Variants in LHX2 observed in about 807,000 individuals in gnomAD.
LHX2 encodes LIM/homeobox protein Lhx2.
Under a neutral mutation model 33.0 loss-of-function variants are expected in LHX2, and 6 were observed. The ratio of observed to expected loss-of-function variants is 0.18; its 90% confidence interval spans 0.10 to 0.36. LHX2 has a LOEUF of 0.36. LHX2 is among the 10% of genes least tolerant of loss of function. The probability of loss-of-function intolerance (pLI) is 1.00; values close to 1 mark genes in which losing one functional copy is unlikely to be tolerated. For missense variants in LHX2, 442 were observed against 586.2 expected (o/e 0.75, Z 2.54); for synonymous variants, 292 against 253.1 (o/e 1.15, Z -1.46).
Position 124,015,605 on chromosome 9 carries a change from C to G in LHX2, c.727+80C>G, listed in dbSNP as rs1476019061. 2 of 1,388,352 alleles carry G rather than the reference C, an allele frequency of 1.4e-6. No homozygotes were observed. The highest frequency in any genetic ancestry group is 1.9e-6 in the Non-Finnish European group (2 of 1,048,886). The allele number at this position is 1,388,352 out of a possible 1,614,324, so 86.0% of individuals were successfully genotyped here. Reference sequence around the variant, plus strand: ...TCGACGGCCGGGAGCTGGATTGAATCTCTGTGTGCTGGGCAAATAGCGAGC... The same window carrying G: ...TCGACGGCCGGGAGCTGGATTGAATGTCTGTGTGCTGGGCAAATAGCGAGC... On this transcript the variant is annotated intron_variant, in intron 3 of 4. Transcript: ENST00000373615. This position sits in a 1 kb window ranked among gnomAD's most constrained non-coding sequence, Gnocchi z 7.9.
At position 124,032,634 on chromosome 9, in the gene LHX2, C is replaced by G. The variant is rs1169421382; in HGVS notation, c.1148C>G (p.Thr383Ser). The change falls in exon 5 of 5, where the codon ACT becomes AGT. Residue 383 changes from threonine (T) to serine (S), a missense_variant. Around this residue, in one of 5 missense-constraint regions of LHX2, gnomAD observed 109 missense variants for 98.7 expected, o/e 1.10. Coordinates refer to ENST00000373615, the MANE Select transcript of LHX2 (RefSeq NM_004789.4). The surrounding 1 kb of genome is among the most constrained non-coding windows in gnomAD (Gnocchi z 4.1). ...PTLPTVTSVL[T>S]SVPGNLEGHE... is the part of the protein sequence containing the mutation. ...CTGCCAACTGTGACGTCCGTCTTAA[C>G]TTCTGTGCCTGGCAACCTGGAGGGC... The G allele has an allele frequency of 6.2e-7, 1 of 1,613,992 alleles. No homozygotes were observed. Among genetic ancestry groups the G allele is most frequent in the Non-Finnish European group, 8.5e-7 (1 of 1,179,894 alleles).
At chr9:124,025,337 A>T (rs1425730409) in intron 4 of LHX2, among the ~76,000 whole-genome samples, 1 of 149,526 alleles carries the variant, frequency 6.7e-6, no homozygotes, top group Non-Finnish European at 1.5e-5. Context: ...GCTGCTGGGG[A>T]GGCTGAGGCA....
intron 4 of LHX2, among the ~76,000 whole-genome samples, chr9:124,026,929 C>T (rs3780683): frequency 0.38 from 57,581 of 152,008 alleles, 11,723 homozygotes; most frequent in Admixed American, 0.48. Flanking sequence ...CATTTCCCTA[C>T]CTGTAAAGTG....
chr9:124,032,644 T>G lies in LHX2; in HGVS notation c.1158T>G (p.Pro386=). Residue 386 remains proline, a synonymous_variant, in exon 5 of 5, where the codon CCT becomes CCG. Coordinates refer to ENST00000373615, the MANE Select transcript of LHX2 (RefSeq NM_004789.4). This position sits in a 1 kb window ranked among gnomAD's most constrained non-coding sequence, Gnocchi z 4.1. ...TGACGTCCGTCTTAACTTCTGTGCC[T>G]GGCAACCTGGAGGGCCATGAGCCTC... The part of the protein sequence containing the change: ...PTVTSVLTSV[P]GNLEGHEPHS... 6.2e-7 allele frequency: 1 copy of G among 1,613,888 alleles called. No individual in the cohort carries two copies. The highest frequency in any genetic ancestry group is 8.5e-7 in the Non-Finnish European group (1 of 1,179,838).
At chr9:124,029,957 G>A (rs1047957541) in intron 4 of LHX2, among the ~76,000 whole-genome samples, 5 of 152,254 alleles carry the variant, frequency 3.3e-5, no homozygotes, top group African/African-American at 1.2e-4. Context: ...TGCTGGCCGG[G>A]AAAGGGAAGG....
Position 124,014,280 on chromosome 9 carries a change from C to T in LHX2, c.323+117C>T. ...AGGAGAGGGTTCACTACTCAGGACT[C>T]CCCCGCTCCCCCCCCAAGTTCTCCA... On this transcript the variant is annotated intron_variant, in intron 2 of 4. Coordinates refer to ENST00000373615, the MANE Select transcript of LHX2 (RefSeq NM_004789.4). This position sits in a 1 kb window ranked among gnomAD's most constrained non-coding sequence, Gnocchi z 4.8. The T allele has an allele frequency of 1.6e-6, 1 of 636,794 alleles. No homozygotes were observed. The highest frequency in any genetic ancestry group is 2.9e-6 in the Non-Finnish European group (1 of 342,204). 39.4% of individuals were successfully genotyped at this position (636,794 alleles called of 1,614,324 possible). A position where few individuals can be genotyped will look rare whatever the true frequency, so the allele number is the denominator to read the frequency against.
At chr9:124,029,859 A>G (rs1004477393) in intron 4 of LHX2, among the ~76,000 whole-genome samples, 9 of 152,200 alleles carry the variant, frequency 5.9e-5, no homozygotes, top group Admixed American at 5.2e-4. Flanking sequence ...ACTTTGGGGA[A>G]GTCACTTCCT....
In LHX2 at chr9:124,024,163, G is replaced by A. The variant is rs146569267; in HGVS notation, c.933+2859G>A. Reference sequence around the variant, plus strand: ...GGGGGTGGGGCATACGTGTAGCACTGTTCTCCCTTTTTCCCAGACCACATT... The same window carrying A: ...GGGGGTGGGGCATACGTGTAGCACTATTCTCCCTTTTTCCCAGACCACATT... On this transcript the variant is annotated intron_variant, in intron 4 of 4. Transcript: ENST00000373615. Among the ~76,000 whole-genome samples the A allele has an allele frequency of 3.5e-3, 540 of 152,346 alleles. 3 individuals are homozygous for A. Among genetic ancestry groups the A allele is most frequent in the African/African-American group, 0.012 (515 of 41,572 alleles).
In LHX2 at chr9:124,025,339, G is replaced by A. The variant is rs564259946; in HGVS notation, c.933+4035G>A. Among the ~76,000 whole-genome samples, 3 of 151,986 alleles carry A rather than the reference G, an allele frequency of 2.0e-5. No individual in the cohort carries two copies. In the East Asian group the frequency reaches 5.8e-4, roughly 29 times the overall value. ...GCCTGTAGTCCCAGCTGCTGGGGAG[G>A]CTGAGGCAGGAGAATGGCGTGAACC... On this transcript the variant is annotated intron_variant, in intron 4 of 4. Coordinates refer to ENST00000373615, the MANE Select transcript of LHX2 (RefSeq NM_004789.4).
chr9:124,032,343 A>C lies in LHX2; in HGVS notation c.934-77A>C. The C allele has an allele frequency of 8.3e-6, 12 of 1,446,260 alleles. No individual in the cohort carries two copies. The highest frequency in any genetic ancestry group is 1.4e-5 in the African/African-American group (1 of 69,966). 89.6% of individuals were successfully genotyped at this position (1,446,260 alleles called of 1,614,324 possible). On this transcript the variant is annotated intron_variant, in intron 4 of 4. Coordinates refer to ENST00000373615, the MANE Select transcript of LHX2 (RefSeq NM_004789.4). This position sits in a 1 kb window ranked among gnomAD's most constrained non-coding sequence, Gnocchi z 4.1. The stretch of plus-strand genomic sequence containing the variant: ...ACAGATCAGCGTCCCCAGAGGCAGC[A>C]GAGCTCTGAGTGAAGCAGTCGGGGG...
intron 3 of LHX2, among the ~76,000 whole-genome samples, chr9:124,020,147 C>A (rs1042235064): frequency 1.3e-5 from 2 of 152,216 alleles, no homozygotes; most frequent in Non-Finnish European, 2.9e-5. Context: ...CTTCATTTCC[C>A]TTAGCGTTAG....
rs1159411431 is a variant in LHX2 at position 124,012,033 on chromosome 9, G to A, written c.-316G>A. On this transcript the variant is annotated 5_prime_UTR_variant, in exon 1 of 5. Transcript: ENST00000373615. This position sits in a 1 kb window ranked among gnomAD's most constrained non-coding sequence, Gnocchi z 4.3. The stretch of plus-strand genomic sequence containing the variant: ...CGATGCCCGCGGCGTGAAAGCGCCC[G>A]CGGCGGGCGCCGACCTCTGTCCTAG... 6.5e-6 allele frequency: 1 copy of A among 154,800 alleles called. No individual in the cohort carries two copies. The highest frequency in any genetic ancestry group is 1.9e-4 in the East Asian group (1 of 5,262). 9.6% of individuals were successfully genotyped at this position (154,800 alleles called of 1,614,324 possible).
At chr9:124,024,411 G>A (rs1828571882) in intron 4 of LHX2, among the ~76,000 whole-genome samples, 1 of 152,238 alleles carries the variant, frequency 6.6e-6, no homozygotes, top group Non-Finnish European at 1.5e-5. Context: ...TGGGGAATCT[G>A]GCAGACATGG....
chr9:124,015,630 C>A lies in LHX2; in HGVS notation c.727+105C>A, dbSNP rs572198634. 3 of 1,262,790 alleles carry A rather than the reference C, an allele frequency of 2.4e-6. No homozygotes were observed. Among genetic ancestry groups the A allele is most frequent in the East Asian group, 2.6e-5 (1 of 38,208 alleles). The allele number at this position is 1,262,790 out of a possible 1,614,324, so 78.2% of individuals were successfully genotyped here. ...CTCTGTGTGCTGGGCAAATAGCGAG[C>A]CTTAAGCACCGGACGGCCTCGCAGA... On this transcript the variant is annotated intron_variant, in intron 3 of 4. Coordinates refer to ENST00000373615, the MANE Select transcript of LHX2 (RefSeq NM_004789.4). The surrounding 1 kb of genome is among the most constrained non-coding windows in gnomAD (Gnocchi z 7.9).
intron 4 of LHX2, among the ~76,000 whole-genome samples, chr9:124,029,628 C>A (rs80119968): frequency 6.6e-6 from 1 of 152,148 alleles, no homozygotes; most frequent in Admixed American, 6.6e-5. Flanking sequence ...GGCAACTAAC[C>A]GGGTCCAGCC....
Position 124,029,823 on chromosome 9 carries a change from C to T in LHX2, c.934-2597C>T, listed in dbSNP as rs75592018. The stretch of plus-strand genomic sequence containing the variant: ...TGGCAAGGCAGCGGCACCAAGGCTC[C>T]GGCCTTCTCCACCCCAATCTGCATG... On this transcript the variant is annotated intron_variant, in intron 4 of 4. Transcript: ENST00000373615. Among the ~76,000 whole-genome samples, 1,312 of 152,328 alleles carry T rather than the reference C, an allele frequency of 8.6e-3. 14 individuals carry two copies. Among genetic ancestry groups the T allele is most frequent in the African/African-American group, 0.03 (1,264 of 41,568 alleles).
In LHX2 at chr9:124,032,408, C is replaced by T. The variant is rs528795690; in HGVS notation, c.934-12C>T. 7.0e-6 allele frequency: 11 copies of T among 1,570,430 alleles called. No homozygotes were observed. Among genetic ancestry groups the T allele is most frequent in the East Asian group, 4.5e-5 (2 of 44,172 alleles). On this transcript the variant is annotated splice_polypyrimidine_tract_variant and intron_variant, in intron 4 of 4. Transcript: ENST00000373615. The surrounding 1 kb of genome is among the most constrained non-coding windows in gnomAD (Gnocchi z 4.1). The stretch of plus-strand genomic sequence containing the variant: ...CTTCCGCTCACCAGCCCTTCCCTGT[C>T]GTCCCCCGCAGGTCTGGTTCCAGAA...
In LHX2 at chr9:124,014,044, G is replaced by A. The variant is rs758332393; in HGVS notation, c.204G>A (p.Ala68=). 1.2e-6 allele frequency: 2 copies of A among 1,613,668 alleles called. No individual in the cohort carries two copies. The highest frequency in any genetic ancestry group is 8.5e-7 in the Non-Finnish European group (1 of 1,180,042). ...GKISDRYYLL[A]VDKQWHMRCL... is the part of the protein sequence containing the mutation. ...TCTCGGACCGCTACTACCTGCTGGC[G>A]GTGGACAAGCAGTGGCACATGCGCT... is the stretch of plus-strand genomic sequence containing the variant. Residue 68 remains alanine, a synonymous_variant, in exon 2 of 5, where the codon GCG becomes GCA. Transcript: ENST00000373615. The surrounding 1 kb of genome is among the most constrained non-coding windows in gnomAD (Gnocchi z 4.8).
chr9:124,032,543 C>T lies in LHX2; in HGVS notation c.1057C>T (p.Leu353Phe), dbSNP rs777369931. The T allele has an allele frequency of 6.2e-7, 1 of 1,614,082 alleles. No homozygotes were observed. The highest frequency in any genetic ancestry group is 1.1e-5 in the South Asian group (1 of 91,074). The change falls in exon 5 of 5, where the codon CTC (leucine) becomes TTC (phenylalanine). Residue 353 changes from leucine to phenylalanine, a missense_variant. Physicochemically the swap from Leu to Phe is conservative, Grantham distance 22. Coordinates refer to ENST00000373615, the MANE Select transcript of LHX2 (RefSeq NM_004789.4). The surrounding 1 kb of genome is among the most constrained non-coding windows in gnomAD (Gnocchi z 4.1). ...GACGCCATCGGGCCCGGCCTCGGAGCTCTCCAACGCCTCGCTCAGCCCCTC... is the reference window on the plus strand; with the variant it reads ...GACGCCATCGGGCCCGGCCTCGGAGTTCTCCAACGCCTCGCTCAGCCCCTC... Reference protein sequence around the residue: ...TGTPSGPASELSNASLSPSST... With the variant: ...TGTPSGPASEFSNASLSPSST...
Sources: allele counts gnomAD v4.1 joint callset (sites outside exome capture counted in the v4.1 genomes callset), GRCh38; gene constraint gnomAD v4.1.1; regional missense constraint gnomAD v4.1.1; non-coding constraint Gnocchi (gnomAD v3.1); transcripts MANE v1.5; gene names NCBI Gene and HGNC (gene_info 2026-07-23, HGNC 2026-07-21).